The following ANK3 variants were observed in gnomAD, a reference collection of about 807,000 sequenced individuals.
ANK3 encodes the protein ankyrin-3.
A neutral mutation model predicts 370.9 loss-of-function variants in ANK3; 57 were observed. The ratio of observed to expected loss-of-function variants is 0.15; its 90% CI spans 0.12 to 0.19. ANK3 has a LOEUF of 0.19. ANK3 is among the 10% of genes least tolerant of loss of function. The probability of loss-of-function intolerance (pLI) is 1.00; values close to 1 mark genes in which losing one functional copy is unlikely to be tolerated. For missense variants in ANK3, 4,439 were observed against 5,302.1 expected, an observed-to-expected ratio of 0.84 and a Z score of 5.06; for synonymous variants, 1,929 against 1,946.3, an observed-to-expected ratio of 0.99 and a Z score of 0.23.
chr10:60,046,668 A>G (rs2077015394), intron 42 of ANK3, among the ~76,000 whole-genome samples: 1 of 152,084 alleles, frequency 6.6e-6, no homozygotes, highest in Non-Finnish European at 1.5e-5. Flanking sequence ...TTGATTAAAT[A>G]GATAGGAAAG....
rs797045233 is a variant in ANK3, at chr10:60,279,063, T to A, written c.302A>T (p.Asp101Val). The change falls in exon 3 of 44, where the codon GAT becomes GTT. Residue 101 changes from aspartate (D) to valine (V), a missense_variant. This residue lies in a region of ANK3 where 136 missense variants were observed against 230.5 expected (regional missense o/e 0.59). Transcript: ENST00000280772. Reference sequence around the variant, plus strand: ...TGTGATACTGACCTTTGTAGCTGCATCCACATTGGCTTCTCTCTGCAGCAG... The same window carrying A: ...TGTGATACTGACCTTTGTAGCTGCAACCACATTGGCTTCTCTCTGCAGCAG... ...SELLQREANV[D>V]AATKKGNTAL... 1 of 1,613,910 alleles carries A rather than the reference T, an allele frequency of 6.2e-7. No homozygotes were observed.
intron 2 of ANK3, among the ~76,000 whole-genome samples, chr10:60,503,694 C>T (rs1262564519): frequency 6.6e-6 from 1 of 152,114 alleles, no homozygotes; most frequent in East Asian, 1.9e-4. Flanking sequence ...AAACCAGAGG[C>T]AATAATCCCA....
intron 2 of ANK3, among the ~76,000 whole-genome samples, chr10:60,487,720 A>ATTTTTTTTT (rs10684114): frequency 1.1e-4 from 16 of 144,992 alleles, no homozygotes; most frequent in Non-Finnish European, 2.3e-4. Flanking sequence ...ATGATGTTGC[A>ATTTTTTTTT]TTTTTTTTTT....
Position 60,074,420 on chromosome 10 carries a change from T to C in ANK3, c.6461A>G (p.His2154Arg). 1 of 1,614,102 alleles carries C rather than the reference T, an allele frequency of 6.2e-7. No individual in the cohort carries two copies. The highest frequency in any genetic ancestry group is 8.5e-7 in the Non-Finnish European group (1 of 1,179,980). Residue 2154 changes from histidine to arginine, a missense_variant, in exon 37 of 44, where the codon CAT becomes CGT. By Grantham distance (29) the His-to-Arg change is conservative (BLOSUM62 0). This residue lies in a region of ANK3 where 1,601 missense variants were observed against 1,731.7 expected (regional missense o/e 0.92). Transcript: ENST00000280772. ...AATGACAGGAGGGATGGGAACTTCA[T>C]GAAAAAGTGGTTTAGGACCAGTGCT... ...AESTGPKPLF[H>R]EVPIPPVITE...
At chr10:60,498,811 A>T (rs957346621) in intron 2 of ANK3, among the ~76,000 whole-genome samples, 1 of 152,226 alleles carries the variant, frequency 6.6e-6, no homozygotes, top group Admixed American at 6.5e-5. Flanking sequence ...TTACTATTGT[A>T]TGTCATTAAA....
intron 2 of ANK3, among the ~76,000 whole-genome samples, chr10:60,432,740 G>A (rs749211678): frequency 2.0e-5 from 3 of 152,142 alleles, no homozygotes; most frequent in Non-Finnish European, 2.9e-5. Flanking sequence ...GCCCAGCATG[G>A]GTACAGGAAT....
At chr10:60,327,933 A>C (rs543975521) in intron 1 of ANK3, among the ~76,000 whole-genome samples, 1 of 152,212 alleles carries the variant, frequency 6.6e-6, no homozygotes, top group East Asian at 1.9e-4. Context: ...TATTTTTAGA[A>C]AGGTGTGTGT....
intron 1 of ANK3, among the ~76,000 whole-genome samples, chr10:60,674,365 C>T (rs1281667342): frequency 2.0e-5 from 3 of 152,058 alleles, no homozygotes; most frequent in African/African-American, 7.2e-5. Context: ...CTGGTGAGGC[C>T]TCAGGAAGCT....
At position 60,082,679 on chromosome 10, in the gene ANK3, G is replaced by C. The variant is rs201213520; in HGVS notation, c.4259C>G (p.Thr1420Arg). The change falls in exon 34 of 44, where the codon ACA becomes AGA. Residue 1420 changes from threonine to arginine, a missense_variant. Around this residue, in one of 13 missense-constraint regions of ANK3, gnomAD observed 702 missense variants for 941.5 expected, o/e 0.75. Coordinates refer to ENST00000280772, the MANE Select transcript of ANK3 (RefSeq NM_020987.5). ...GRLSFLKEPK[T>R]TKGLPQTAVC... ...CGCTGTTTGAGGCAGTCCTTTTGTTGTCTTTGGTTCTTTCAGAAAAGACAG... is the reference window on the plus strand; with the variant it reads ...CGCTGTTTGAGGCAGTCCTTTTGTTCTCTTTGGTTCTTTCAGAAAAGACAG... The C allele has an allele frequency of 6.3e-5, 101 of 1,614,072 alleles. No homozygotes were observed. Among genetic ancestry groups the C allele is most frequent in the Admixed American group, 1.5e-4 (9 of 60,022 alleles).
intron 1 of ANK3, among the ~76,000 whole-genome samples, chr10:60,283,072 G>A (rs1240862015): frequency 2.6e-5 from 4 of 152,174 alleles, no homozygotes; most frequent in Non-Finnish European, 5.9e-5. Context: ...CAAAATAAAT[G>A]TGGCACAAAT....
chr10:60,069,338 C>A lies in ANK3; in HGVS notation c.11543G>T (p.Gly3848Val), dbSNP rs750873003. The change falls in exon 37 of 44, where the codon GGA becomes GTA. Residue 3848 changes from glycine (G) to valine (V), a missense_variant. By Grantham distance (109) the Gly-to-Val change is moderately radical (BLOSUM62 -3). Around this residue, in one of 13 missense-constraint regions of ANK3, gnomAD observed 496 missense variants for 529.3 expected, o/e 0.94. Coordinates refer to ENST00000280772, the MANE Select transcript of ANK3 (RefSeq NM_020987.5). ...CAATTCCTTTGTTTTTTGCTGTTCT[C>A]CAAGAACTTTCTGCTTATCTCTTAC... The part of the protein sequence containing the change: ...HCVRDKQKVL[G>V]EQQKTKELIG... The A allele has an allele frequency of 6.2e-7, 1 of 1,614,086 alleles. No individual in the cohort carries two copies. Among genetic ancestry groups the A allele is most frequent in the East Asian group, 2.2e-5 (1 of 44,880 alleles).
At chr10:60,689,359 A>C (rs1456500554) in intron 1 of ANK3, among the ~76,000 whole-genome samples, 1 of 152,190 alleles carries the variant, frequency 6.6e-6, no homozygotes, top group South Asian at 2.1e-4. Flanking sequence ...TGGCCATGCC[A>C]CTGCAGTGCA....
chr10:60,430,161 C>T (rs1300821888), intron 2 of ANK3, among the ~76,000 whole-genome samples: 1 of 152,154 alleles, frequency 6.6e-6, no homozygotes, highest in Non-Finnish European at 1.5e-5. Context: ...ATTTAACTAG[C>T]ACCAGTGTGG....
chr10:60,280,072 T>C (rs1018266896), intron 1 of ANK3, among the ~76,000 whole-genome samples: 4 of 152,176 alleles, frequency 2.6e-5, no homozygotes, highest in Non-Finnish European at 5.9e-5. Context: ...CATTATTCTT[T>C]TTCTTCTTAG....
intron 1 of ANK3, among the ~76,000 whole-genome samples, chr10:60,325,044 C>T (rs2049499024): frequency 6.6e-6 from 1 of 152,200 alleles, no homozygotes; most frequent in Non-Finnish European, 1.5e-5. Flanking sequence ...ATGTACTCTG[C>T]TTACCCTGGT....
chr10:60,109,069 T>C lies in ANK3; in HGVS notation c.2949-15A>G, dbSNP rs763224367. 9 of 1,601,416 alleles carry C rather than the reference T, an allele frequency of 5.6e-6. No homozygotes were observed. The highest frequency in any genetic ancestry group is 1.3e-5 in the African/African-American group (1 of 74,740). ...TAACCAGAAACCTGAGGGGAGAAGA[T>C]CAGAGGCCAATTCAAGGACGGAAAT... On this transcript the variant is annotated splice_polypyrimidine_tract_variant and intron_variant, in intron 26 of 43. Coordinates refer to ENST00000280772, the MANE Select transcript of ANK3 (RefSeq NM_020987.5).
At chr10:60,091,618 CCAGA>C in intron 28 of ANK3, among the ~76,000 whole-genome samples, 1 of 152,206 alleles carries the variant, frequency 6.6e-6, no homozygotes, top group East Asian at 1.9e-4. Flanking sequence ...TAGGAGGGAG[CCAGA>C]CAAAGAGCGA....
rs139132505 is a variant in ANK3, at chr10:60,426,881, T to C, written c.97-147242A>G. Among the ~76,000 whole-genome samples the C allele has an allele frequency of 2.7e-3, 418 of 152,232 alleles. 3 individuals are homozygous for C. The highest frequency in any genetic ancestry group is 9.2e-3 in the African/African-American group (384 of 41,554). On this transcript the variant is annotated intron_variant, in intron 2 of 43. Transcript: ENST00000373827. Reference sequence around the variant, plus strand: ...AAAAACTGTAGGCATTGTATAGGCATCTTAAGGAAGAGGCTGAAATTTAAG... The same window carrying C: ...AAAAACTGTAGGCATTGTATAGGCACCTTAAGGAAGAGGCTGAAATTTAAG...
intron 1 of ANK3, among the ~76,000 whole-genome samples, chr10:60,693,536 T>C (rs1032213197): frequency 3.2e-4 from 48 of 152,316 alleles, no homozygotes; most frequent in Admixed American, 1.8e-3. Context: ...GTTCTCCCAG[T>C]ATGCAGCTGG....
Sources: gnomAD v4.1 joint callset for allele counts (sites outside exome capture counted in the v4.1 genomes callset) on GRCh38, gnomAD v4.1.1 for gene constraint, gnomAD v4.1.1 regional missense constraint, MANE v1.5 for transcripts, NCBI Gene and HGNC (gene_info 2026-07-23, HGNC 2026-07-21) for gene names.